The following NUP153 variants were observed in gnomAD, a reference collection of about 807,000 sequenced individuals.
NUP153 encodes the protein nucleoporin 153, also known as nuclear pore complex protein Nup153.
NUP153 carries 27 observed loss-of-function variants against 134.6 expected under a neutral mutation model. The ratio of observed to expected loss-of-function variants is 0.20; its 90% CI spans 0.15 to 0.28. The LOEUF is 0.28. Among genes scored for constraint, NUP153 ranks in the 10% least tolerant of loss-of-function variants. The pLI is 1.00. For missense variants in NUP153, 1,821 were observed against 1,731.3 expected (o/e 1.05, Z -0.92); for synonymous variants, 640 against 623.5 (o/e 1.03, Z -0.40).
chr6:17,692,379 T>C (rs951257529), intron 1 of NUP153, among the ~76,000 whole-genome samples: 1 of 152,166 alleles, frequency 6.6e-6, no homozygotes, highest in African/African-American at 2.4e-5. Flanking sequence ...GCTAGAACTG[T>C]GGCACAGGCC....
intron 20 of NUP153, among the ~76,000 whole-genome samples, chr6:17,620,261 C>T (rs1388916306): frequency 6.6e-6 from 1 of 152,032 alleles, no homozygotes; most frequent in Non-Finnish European, 1.5e-5. Flanking sequence ...GCTATACTTA[C>T]CATATATAGC....
intron 11 of NUP153, 31 bp downstream of exon 11, chr6:17,661,622 A>G (rs1348613567): frequency 2.5e-6 from 4 of 1,583,716 alleles, no homozygotes; most frequent in Non-Finnish European, 3.4e-6. Context: ...TTTTAAATAA[A>G]CCTCAAGAGT....
intron 15 of NUP153, 75 bp from the exon 16 acceptor site, chr6:17,637,845 T>C: frequency 1.4e-6 from 2 of 1,465,670 alleles, no homozygotes; most frequent in East Asian, 2.4e-5. Flanking sequence ...TTATTATTAC[T>C]GAGAAGACGT....
rs1398241222 is a variant in NUP153, at chr6:17,698,513, C to T, written c.111+7764G>A. Reference sequence around the variant, plus strand: ...CAGCACTTTGGGAGGCCGAGGTGGGCGGATCACAAGGTCAGGAGATTGAGA... The same window carrying T: ...CAGCACTTTGGGAGGCCGAGGTGGGTGGATCACAAGGTCAGGAGATTGAGA... On this transcript the variant is annotated intron_variant, in intron 1 of 21. Transcript: ENST00000262077. 2.0e-5 allele frequency among the ~76,000 whole-genome samples: 3 copies of T among 151,888 alleles called. 1 individual carries two copies. The South Asian group carries it at 6.3e-4, about 32-fold the overall frequency.
At chr6:17,703,020 G>A (rs1219103385) in intron 1 of NUP153, among the ~76,000 whole-genome samples, 2 of 123,826 alleles carry the variant, frequency 1.6e-5, no homozygotes, top group Non-Finnish European at 3.7e-5. Flanking sequence ...GACCAACATG[G>A]CGAAATCCCG....
intron 5 of NUP153, among the ~76,000 whole-genome samples, chr6:17,671,166 C>T (rs572787110): frequency 6.6e-6 from 1 of 152,274 alleles, no homozygotes; most frequent in East Asian, 1.9e-4. Flanking sequence ...CCCACTTGAT[C>T]ATGATGCAGT....
chr6:17,618,177 T>G (rs1475130579), intron 20 of NUP153, among the ~76,000 whole-genome samples: 5 of 152,112 alleles, frequency 3.3e-5, no homozygotes, highest in African/African-American at 1.2e-4. Context: ...ATCCAAACTT[T>G]CCCAAGTAAA....
chr6:17,621,066 C>T (rs977181726), intron 20 of NUP153, among the ~76,000 whole-genome samples: 8 of 152,128 alleles, frequency 5.3e-5, no homozygotes. Flanking sequence ...AGGATCTGAA[C>T]AGACATTTCT....
At chr6:17,673,424 T>C (rs1397616815) in intron 5 of NUP153, among the ~76,000 whole-genome samples, 1 of 152,124 alleles carries the variant, frequency 6.6e-6, no homozygotes, top group African/African-American at 2.4e-5. Context: ...GGAGAAAATA[T>C]TCGCAAAACA....
chr6:17,624,002 A>G (rs889597678), intron 20 of NUP153, among the ~76,000 whole-genome samples: 1 of 152,158 alleles, frequency 6.6e-6, no homozygotes, highest in African/African-American at 2.4e-5. Context: ...CTGTTCACTT[A>G]TATTTTACAC....
Position 17,706,301 on chromosome 6 carries a change from G to A in NUP153, c.87C>T (p.Tyr29=), listed in dbSNP as rs1171049068. Reference sequence around the variant, plus strand: ...CCTGATGCTGTTGTCGCCCCTGCTGGTAAGGCTTAATTGGCCCCTGGTGGC... The same window carrying A: ...CCTGATGCTGTTGTCGCCCCTGCTGATAAGGCTTAATTGGCCCCTGGTGGC... ...RRCHQGPIKP[Y]QQGRQQHQGI... Residue 29 remains tyrosine, a synonymous_variant, in exon 1 of 22, where the codon TAC becomes TAT. Transcript: ENST00000262077. The surrounding 1 kb of genome is among the most constrained non-coding windows in gnomAD (Gnocchi z 5.9). 12 of 1,613,604 alleles carry A rather than the reference G, an allele frequency of 7.4e-6. No individual in the cohort carries two copies. Among genetic ancestry groups the A allele is most frequent in the South Asian group, 1.1e-5 (1 of 91,082 alleles).
At chr6:17,641,750 G>A (rs550658185) in intron 14 of NUP153, among the ~76,000 whole-genome samples, 16 of 152,196 alleles carry the variant, frequency 1.1e-4, no homozygotes, top group African/African-American at 3.9e-4. Context: ...AGCTGCTCAG[G>A]AGGCTGAGGC....
intron 5 of NUP153, among the ~76,000 whole-genome samples, chr6:17,672,001 C>T (rs191250838): frequency 6.6e-6 from 1 of 151,588 alleles, no homozygotes; most frequent in Admixed American, 6.6e-5. Context: ...GAGCAAGATC[C>T]CATCTAAAAA....
At chr6:17,617,712 GCGTGCA>G (rs1764410006) in intron 20 of NUP153, among the ~76,000 whole-genome samples, 1 of 152,020 alleles carries the variant, frequency 6.6e-6, no homozygotes, top group Non-Finnish European at 1.5e-5. Context: ...AGGCGTAGTG[GCGTGCA>G]CCTGTAATCC....
At chr6:17,662,211 C>T (rs1431077023) in intron 9 of NUP153, 141 bp from the exon 10 acceptor site, 16 of 714,612 alleles carry the variant, frequency 2.2e-5, no homozygotes, top group South Asian at 1.9e-5. Flanking sequence ...TTTGAAATTA[C>T]ACCCTGCCTT....
chr6:17,641,533 C>CA (rs1765839786), intron 14 of NUP153, among the ~76,000 whole-genome samples: 1 of 151,540 alleles, frequency 6.6e-6, no homozygotes, highest in African/African-American at 2.4e-5. Context: ...GACTCCGTCT[C>CA]AAAAACAAAA....
At chr6:17,662,333 C>T (rs1386387477) in intron 9 of NUP153, among the ~76,000 whole-genome samples, 1 of 152,168 alleles carries the variant, frequency 6.6e-6, no homozygotes, top group African/African-American at 2.4e-5. Flanking sequence ...ACTAACCTAA[C>T]CACAAAATTA....
intron 1 of NUP153, among the ~76,000 whole-genome samples, chr6:17,698,052 C>A (rs571023131): frequency 6.6e-6 from 1 of 152,300 alleles, no homozygotes; most frequent in East Asian, 1.9e-4. Flanking sequence ...ATTATAAAAT[C>A]TCCTTTCTCA....
intron 8 of NUP153, among the ~76,000 whole-genome samples, chr6:17,668,626 T>C (rs1428314462): frequency 6.6e-6 from 1 of 151,988 alleles, no homozygotes; most frequent in Admixed American, 6.6e-5. Context: ...GCAGATCACC[T>C]GAGCTCAGGA....
Sources: gnomAD v4.1 joint callset for allele counts (sites outside exome capture counted in the v4.1 genomes callset) on GRCh38, gnomAD v4.1.1 for gene constraint, Gnocchi (gnomAD v3.1) non-coding constraint, MANE v1.5 for transcripts, NCBI Gene and HGNC (gene_info 2026-07-23, HGNC 2026-07-21) for gene names.